Variants in ZNF385D observed in about 807,000 individuals in gnomAD.
ZNF385D encodes zinc finger protein 385D, also known as zinc finger protein 659.
Under a neutral mutation model 35.8 loss-of-function variants are expected in ZNF385D, and 15 were observed. The observed-to-expected ratio is 0.42, with a 90% CI of 0.28 to 0.64. The LOEUF (loss-of-function observed/expected upper bound fraction) is 0.64, where lower values mean the gene tolerates loss of function less well. Among genes scored for constraint, ZNF385D ranks in the 30% least tolerant of loss-of-function variants. ZNF385D has a pLI of 0.23. For synonymous variants in ZNF385D, 212 were observed against 186.8 expected (o/e 1.13, Z -1.10); for missense variants, 474 against 494.6 (o/e 0.96, Z 0.39).
At chr3:21,561,046 G>A (rs768722405) in intron 3 of ZNF385D, among the ~76,000 whole-genome samples, 11 of 152,200 alleles carry the variant, frequency 7.2e-5, no homozygotes, top group East Asian at 1.9e-4. Context: ...TGCTGACAGC[G>A]TGAATTTCAA....
intron 3 of ZNF385D, among the ~76,000 whole-genome samples, chr3:21,534,707 G>T (rs1319658610): frequency 6.6e-6 from 1 of 152,080 alleles, no homozygotes; most frequent in African/African-American, 2.4e-5. Context: ...AAATCATTTA[G>T]AATGCAAATC....
At chr3:22,310,315 T>C (rs1703468940) in intron 2 of ZNF385D, among the ~76,000 whole-genome samples, 3 of 151,832 alleles carry the variant, frequency 2.0e-5, no homozygotes, top group Admixed American at 1.3e-4. Context: ...GCTATGAGAA[T>C]GATATGAGCT....
chr3:22,034,851 T>A (rs1276440860), intron 3 of ZNF385D, among the ~76,000 whole-genome samples: 1 of 152,168 alleles, frequency 6.6e-6, no homozygotes, highest in African/African-American at 2.4e-5. Context: ...GTGAAAGAAA[T>A]GTATATGATA....
At chr3:22,279,248 C>G (rs1184838551) in intron 2 of ZNF385D, among the ~76,000 whole-genome samples, 1 of 151,774 alleles carries the variant, frequency 6.6e-6, no homozygotes, top group Non-Finnish European at 1.5e-5. Context: ...AGTCTTTTAT[C>G]CCTCACACCC....
At chr3:21,959,820 C>G (rs1702485774) in intron 3 of ZNF385D, among the ~76,000 whole-genome samples, 1 of 152,136 alleles carries the variant, frequency 6.6e-6, no homozygotes, top group Non-Finnish European at 1.5e-5. Context: ...CTGCAAAAGG[C>G]AGAAGCTTTC....
At chr3:21,965,067 G>T (rs537547690) in intron 3 of ZNF385D, among the ~76,000 whole-genome samples, 40 of 152,208 alleles carry the variant, frequency 2.6e-4, no homozygotes, top group Non-Finnish European at 5.4e-4. Context: ...AAAGCACAAT[G>T]CCTGGAAGAT....
intron 3 of ZNF385D, among the ~76,000 whole-genome samples, chr3:21,948,311 TA>T (rs199643844): frequency 1.3e-5 from 2 of 151,918 alleles, no homozygotes; most frequent in South Asian, 2.1e-4. Flanking sequence ...AAAAGCAAAT[TA>T]AAAAAAACTT....
At chr3:22,100,758 C>T (rs190807532) in intron 3 of ZNF385D, among the ~76,000 whole-genome samples, 374 of 151,594 alleles carry the variant, frequency 2.5e-3, no homozygotes, top group Non-Finnish European at 4.7e-3. Flanking sequence ...GGGTGTAGCG[C>T]ACCAGCATGG....
chr3:21,974,595 C>T (rs1007079498), intron 3 of ZNF385D, among the ~76,000 whole-genome samples: 1 of 151,882 alleles, frequency 6.6e-6, no homozygotes, highest in East Asian at 1.9e-4. Context: ...GTAAACAGCT[C>T]CTGCACAGTA....
chr3:22,236,320 T>C (rs1322483556), intron 2 of ZNF385D, among the ~76,000 whole-genome samples: 3 of 152,098 alleles, frequency 2.0e-5, no homozygotes, highest in East Asian at 1.9e-4. Context: ...GAAAGTTGAC[T>C]AGGAGAACAA....
At chr3:22,274,146 G>A (rs1701311769) in intron 2 of ZNF385D, among the ~76,000 whole-genome samples, 1 of 151,550 alleles carries the variant, frequency 6.6e-6, no homozygotes, top group African/African-American at 2.4e-5. Context: ...TTTTTAAATT[G>A]GATTTTCTTC....
At chr3:21,910,642 A>G (rs1699917958) in intron 3 of ZNF385D, among the ~76,000 whole-genome samples, 1 of 151,864 alleles carries the variant, frequency 6.6e-6, no homozygotes, top group South Asian at 2.1e-4. Flanking sequence ...ATAATAATAT[A>G]ATTGTGTGAA....
At chr3:21,637,273 T>C (rs1015899863) in intron 2 of ZNF385D, among the ~76,000 whole-genome samples, 1 of 152,124 alleles carries the variant, frequency 6.6e-6, no homozygotes, top group Non-Finnish European at 1.5e-5. Context: ...GAGTTGATTT[T>C]TGTATAAGGT....
chr3:21,806,395 C>T (rs188686009), intron 3 of ZNF385D, among the ~76,000 whole-genome samples: 56 of 151,950 alleles, frequency 3.7e-4, no homozygotes, highest in African/African-American at 1.3e-3. Flanking sequence ...TTAGTAGAGA[C>T]GGGGTTTCAC....
intron 3 of ZNF385D, among the ~76,000 whole-genome samples, chr3:22,128,651 T>C (rs901203649): frequency 4.6e-5 from 7 of 152,172 alleles, no homozygotes; most frequent in Admixed American, 2.6e-4. Flanking sequence ...AATTATGCTG[T>C]TGAGAGACTC....
At chr3:21,497,587 G>A (rs1310004417) in intron 4 of ZNF385D, among the ~76,000 whole-genome samples, 4 of 152,140 alleles carry the variant, frequency 2.6e-5, no homozygotes, top group Non-Finnish European at 5.9e-5. Context: ...GCTCACACCT[G>A]TAATCCCAGC....
intron 3 of ZNF385D, among the ~76,000 whole-genome samples, chr3:22,019,599 T>A (rs934983555): frequency 1.3e-5 from 2 of 151,972 alleles, no homozygotes; most frequent in African/African-American, 2.4e-5. Flanking sequence ...TGTGTCTGAA[T>A]TCCTATTTTC....
intron 2 of ZNF385D, among the ~76,000 whole-genome samples, chr3:22,186,618 C>T (rs909104778): frequency 6.7e-6 from 1 of 149,988 alleles, no homozygotes; most frequent in Non-Finnish European, 1.5e-5. Flanking sequence ...AGTCTGTATA[C>T]AAGGGGCAAA....
intron 2 of ZNF385D, among the ~76,000 whole-genome samples, chr3:22,189,336 T>G (rs1446301221): frequency 2.0e-5 from 3 of 152,138 alleles, no homozygotes; most frequent in African/African-American, 7.2e-5. Context: ...AAAATGTCAC[T>G]GGAATCATCT....
Sources: gnomAD v4.1 joint callset for allele counts (sites outside exome capture counted in the v4.1 genomes callset) on GRCh38, gnomAD v4.1.1 for gene constraint, MANE v1.5 for transcripts, NCBI Gene and HGNC (gene_info 2026-07-23, HGNC 2026-07-21) for gene names.